The following MAP6 variants were observed in gnomAD, a reference collection of about 807,000 sequenced individuals.
The protein encoded by MAP6 is microtubule-associated protein 6.
In MAP6, 26 loss-of-function variants were observed where a neutral mutation model predicts 42.4. The observed-to-expected ratio is 0.61, with a 90% confidence interval of 0.45 to 0.85. MAP6 has a LOEUF of 0.85. MAP6 is among the 40% of genes least tolerant of loss of function. The pLI is 0.00. For missense variants in MAP6, 966 were observed against 1,099.0 expected, an observed-to-expected ratio of 0.88 and a Z score of 1.71; for synonymous variants, 418 against 443.8, an observed-to-expected ratio of 0.94 and a Z score of 0.73.
chr11:75,667,714 G>A lies in MAP6; in HGVS notation c.656C>T (p.Pro219Leu). 2 of 1,287,052 alleles carry A rather than the reference G, an allele frequency of 1.6e-6. No individual in the cohort carries two copies. Among genetic ancestry groups the A allele is most frequent in the East Asian group, 3.2e-5 (1 of 31,686 alleles). The allele number at this position is 1,287,052 out of a possible 1,614,324, so 79.7% of individuals were successfully genotyped here. A position where few individuals can be genotyped will look rare whatever the true frequency, so the allele number is the denominator to read the frequency against. ...AAEAREQEAAPGGAGGLAAGK... is the reference protein window; with the variant it reads ...AAEAREQEAALGGAGGLAAGK... ...GGCCGCCAGGCCACCCGCTCCGCCGGGGGCCGCCTCCTGCTCCCGGGCCTC... is the reference window on the plus strand; with the variant it reads ...GGCCGCCAGGCCACCCGCTCCGCCGAGGGCCGCCTCCTGCTCCCGGGCCTC... The change falls in exon 1 of 4, where the codon CCC becomes CTC. Residue 219 changes from proline to leucine, a missense_variant. By Grantham distance (98) the Pro-to-Leu change is moderately conservative. Coordinates refer to ENST00000304771, the MANE Select transcript of MAP6 (RefSeq NM_033063.2). This position sits in a 1 kb window ranked among gnomAD's most constrained non-coding sequence, Gnocchi z 5.6.
chr11:75,594,512 G>A (rs541993), intron 3 of MAP6: 28,747 of 152,042 alleles, frequency 0.19, 3,157 homozygotes, highest in African/African-American at 0.29. Flanking sequence ...ATCCTCAACC[G>A]GACTCTGTGG....
intron 3 of MAP6, among the ~76,000 whole-genome samples, chr11:75,589,282 G>A (rs1220431435): frequency 6.6e-6 from 1 of 152,212 alleles, no homozygotes; most frequent in Non-Finnish European, 1.5e-5. Context: ...ACACTGTGGA[G>A]AGCGTGTGAC....
chr11:75,590,443 C>T (rs1157469480), intron 3 of MAP6, among the ~76,000 whole-genome samples: 2 of 152,132 alleles, frequency 1.3e-5, no homozygotes, highest in Non-Finnish European at 2.9e-5. Flanking sequence ...CAGCCTGGGC[C>T]AGGAAGTACA....
chr11:75,639,501 A>G lies in MAP6; in HGVS notation c.905+27964T>C, dbSNP rs374956024. Among the ~76,000 whole-genome samples the G allele has an allele frequency of 2.0e-3, 302 of 152,326 alleles. 1 individual carries two copies. The highest frequency in any genetic ancestry group is 6.4e-3 in the African/African-American group (265 of 41,584). On this transcript the variant is annotated intron_variant, in intron 1 of 3. Transcript: ENST00000304771. ...CAATAGCATTCACTTAGGAATATCC[A>G]TTGTGGGCCAACTTGTCATTTTGGC...
intron 1 of MAP6, among the ~76,000 whole-genome samples, chr11:75,625,222 T>C (rs1053229969): frequency 3.9e-5 from 6 of 152,124 alleles, no homozygotes; most frequent in African/African-American, 1.4e-4. Flanking sequence ...CTTGGAGTCA[T>C]CTTTAGAGGC....
Position 75,667,673 on chromosome 11 carries a change from C to T in MAP6, c.697G>A (p.Ala233Thr). The T allele has an allele frequency of 7.9e-7, 1 of 1,270,268 alleles. No individual in the cohort carries two copies. Among genetic ancestry groups the T allele is most frequent in the Non-Finnish European group, 9.9e-7 (1 of 1,012,872 alleles). 78.7% of individuals were successfully genotyped at this position (1,270,268 alleles called of 1,614,324 possible). Reference protein sequence around the residue: ...GGLAAGKASGADERDTRRKAG... With the variant: ...GGLAAGKASGTDERDTRRKAG... ...TTCCTGCGCGTGTCGCGCTCGTCCG[C>T]CCCGGACGCCTTTCCGGCCGCCAGG... The change falls in exon 1 of 4, where the codon GCG becomes ACG. Residue 233 changes from alanine (A) to threonine (T), a missense_variant. Transcript: ENST00000304771. The surrounding 1 kb of genome is among the most constrained non-coding windows in gnomAD (Gnocchi z 5.6).
chr11:75,657,205 G>C (rs1005938978), intron 1 of MAP6, among the ~76,000 whole-genome samples: 4 of 151,406 alleles, frequency 2.6e-5, no homozygotes, highest in Non-Finnish European at 5.9e-5. Flanking sequence ...TCACCTCCCA[G>C]GTTCACACCA....
At chr11:75,624,790 T>C (rs544305293) in intron 1 of MAP6, among the ~76,000 whole-genome samples, 1 of 152,354 alleles carries the variant, frequency 6.6e-6, no homozygotes, top group South Asian at 2.1e-4. Context: ...CGTCCCTACC[T>C]GGCTCCAGGC....
chr11:75,621,776 A>G (rs1455773338), intron 1 of MAP6, among the ~76,000 whole-genome samples: 3 of 152,230 alleles, frequency 2.0e-5, no homozygotes, highest in Admixed American at 2.0e-4. Flanking sequence ...TAATCCCTGC[A>G]CTTTGGAAGG....
chr11:75,587,671 G>A lies in MAP6; in HGVS notation c.1830C>T (p.Val610=), dbSNP rs1413755879. The change falls in exon 4 of 4, where the codon GTC becomes GTT. Residue 610 remains valine, a synonymous_variant. Transcript: ENST00000304771. ...SAPVKDQGPI[V]PAPVKGEGPI... ...GACCTTCACCCTTGACAGGTGCTGG[G>A]ACTATGGGACCTTGATCCTTGACAG... The A allele has an allele frequency of 6.2e-7, 1 of 1,613,600 alleles. No individual in the cohort carries two copies. Among genetic ancestry groups the A allele is most frequent in the Non-Finnish European group, 8.5e-7 (1 of 1,179,856 alleles).
intron 1 of MAP6, among the ~76,000 whole-genome samples, chr11:75,616,625 A>AG (rs1213241707): frequency 2.6e-5 from 4 of 152,178 alleles, no homozygotes; most frequent in Non-Finnish European, 5.9e-5. Context: ...TGGGGCCTAG[A>AG]GGGTTGCAAG....
intron 1 of MAP6, among the ~76,000 whole-genome samples, chr11:75,624,113 T>C (rs1943157948): frequency 6.6e-6 from 1 of 152,176 alleles, no homozygotes; most frequent in Non-Finnish European, 1.5e-5. Context: ...CATTGTAATT[T>C]TACTTTCGGC....
At chr11:75,666,324 G>C (rs1386627178) in intron 1 of MAP6, among the ~76,000 whole-genome samples, 3 of 152,210 alleles carry the variant, frequency 2.0e-5, no homozygotes, top group African/African-American at 7.2e-5. Flanking sequence ...ATACCGGATG[G>C]ATGAAGGGCA....
chr11:75,614,132 CT>C (rs1254379489), intron 1 of MAP6, among the ~76,000 whole-genome samples: 2 of 150,552 alleles, frequency 1.3e-5, no homozygotes, highest in Non-Finnish European at 3.0e-5. Context: ...AGATGACTTT[CT>C]TCCCTTCCAG....
chr11:75,619,232 A>C (rs1478169318), intron 1 of MAP6, among the ~76,000 whole-genome samples: 2 of 152,206 alleles, frequency 1.3e-5, no homozygotes, highest in Non-Finnish European at 2.9e-5. Context: ...GAAAAATCTG[A>C]AAAAATGTTT....
intron 1 of MAP6, among the ~76,000 whole-genome samples, chr11:75,635,054 G>A (rs1227662922): frequency 3.3e-5 from 5 of 152,238 alleles, no homozygotes; most frequent in African/African-American, 7.2e-5. Flanking sequence ...TGTGAAAGTC[G>A]GTGAACCGAA....
At chr11:75,601,876 C>G (rs1393460093) in intron 3 of MAP6, among the ~76,000 whole-genome samples, 1 of 149,414 alleles carries the variant, frequency 6.7e-6, no homozygotes, top group African/African-American at 2.5e-5. Context: ...ATGCCTTGGC[C>G]ACCCCCGGCT....
At chr11:75,664,028 G>A (rs544223302) in intron 1 of MAP6, among the ~76,000 whole-genome samples, 1 of 152,246 alleles carries the variant, frequency 6.6e-6, no homozygotes, top group Non-Finnish European at 1.5e-5. Flanking sequence ...TGATGGCCAG[G>A]GCAATGGGGT....
intron 1 of MAP6, among the ~76,000 whole-genome samples, chr11:75,631,235 C>A (rs1389598308): frequency 2.0e-5 from 3 of 152,102 alleles, no homozygotes. Flanking sequence ...CCCACAGTCT[C>A]CACTCATTCT....
Sources: gnomAD v4.1 joint callset for allele counts (sites outside exome capture counted in the v4.1 genomes callset) on GRCh38, gnomAD v4.1.1 for gene constraint, Gnocchi (gnomAD v3.1) non-coding constraint, MANE v1.5 for transcripts, NCBI Gene and HGNC (gene_info 2026-07-23, HGNC 2026-07-21) for gene names.